The following CFLAR variants were observed in gnomAD, a reference collection of about 807,000 sequenced individuals.
CFLAR encodes CASP8 and FADD-like apoptosis regulator.
Under a neutral mutation model 51.1 loss-of-function variants are expected in CFLAR, and 14 were observed. That is an observed-to-expected ratio of 0.27 (90% confidence interval 0.18 to 0.43). CFLAR has a LOEUF of 0.43. Among genes scored for constraint, CFLAR ranks in the 20% least tolerant of loss-of-function variants. The pLI is 1.00. For missense variants in CFLAR, 390 were observed against 566.5 expected, an observed-to-expected ratio of 0.69 and a Z score of 3.16; for synonymous variants, 210 against 211.6, an observed-to-expected ratio of 0.99 and a Z score of 0.06.
intron 5 of CFLAR, among the ~76,000 whole-genome samples, chr2:201,143,924 T>C (rs886428281): frequency 2.0e-5 from 3 of 151,830 alleles, no homozygotes; most frequent in African/African-American, 4.8e-5. Context: ...CACCCCACCC[T>C]GGGTGACAGA....
chr2:201,154,416 G>T (rs1037713891), intron 8 of CFLAR: 1 of 153,640 alleles, frequency 6.5e-6, no homozygotes, highest in Non-Finnish European at 1.5e-5. Context: ...AGGTGAGGAA[G>T]CTGAGCAGTG....
At chr2:201,136,167 C>A in intron 4 of CFLAR, 60 bp downstream of exon 4, 3 of 1,612,524 alleles carry the variant, frequency 1.9e-6, no homozygotes, top group Non-Finnish European at 2.5e-6. Context: ...GGGTGGGCAT[C>A]ATGACTGATA....
intron 9 of CFLAR, among the ~76,000 whole-genome samples, chr2:201,161,547 G>A (rs1323493546): frequency 6.6e-6 from 1 of 151,230 alleles, no homozygotes; most frequent in Non-Finnish European, 1.5e-5. Flanking sequence ...CCAAGTAGCT[G>A]GGATTACAGG....
intron 1 of CFLAR, chr2:201,117,179 A>G (rs1205080052): frequency 3.9e-5 from 6 of 152,124 alleles, no homozygotes; most frequent in Admixed American, 1.3e-4. Context: ...TTTAATGTCT[A>G]TTTTGCCCAA....
At chr2:201,136,152 C>T in intron 4 of CFLAR, 45 bp downstream of exon 4, 1 of 1,612,596 alleles carries the variant, frequency 6.2e-7, no homozygotes, top group Non-Finnish European at 8.5e-7. Context: ...GTACTCTGTG[C>T]ATGGGGGTGG....
At chr2:201,128,889 T>C (rs1176990583) in intron 1 of CFLAR, among the ~76,000 whole-genome samples, 1 of 152,158 alleles carries the variant, frequency 6.6e-6, no homozygotes, top group East Asian at 1.9e-4. Flanking sequence ...AACACACCCA[T>C]TGCATGAGCT....
chr2:201,138,932 A>T lies in CFLAR; in HGVS notation c.524-1425A>T, dbSNP rs562919732. ...GTCCACCTCATCAGCTATGAAGTCTATGAATCCTGGGAGAATCAAGAAGTC... is the reference window on the plus strand; with the variant it reads ...GTCCACCTCATCAGCTATGAAGTCTTTGAATCCTGGGAGAATCAAGAAGTC... On this transcript the variant is annotated intron_variant, in intron 4 of 9. Coordinates refer to ENST00000309955, the MANE Select transcript of CFLAR (RefSeq NM_003879.7). This position sits in a 1 kb window ranked among gnomAD's most constrained non-coding sequence, Gnocchi z 4.0. 7.9e-6 allele frequency: 5 copies of T among 632,484 alleles called. No homozygotes were observed. In the African/African-American group the frequency reaches 9.0e-5, roughly 11 times the overall value. 39.2% of individuals were successfully genotyped at this position (632,484 alleles called of 1,614,324 possible).
chr2:201,163,304 G>T lies in CFLAR; in HGVS notation c.1305-531G>T, dbSNP rs1346026204. ...GAGCTGGTTTCCATTTAAGCTGAAT[G>T]AAGCCACAATGTACCTCAAGTATAA... On this transcript the variant is annotated intron_variant, in intron 9 of 9. Transcript: ENST00000309955. 7.9e-6 allele frequency: 10 copies of T among 1,260,294 alleles called. No individual in the cohort carries two copies. The Admixed American group carries it at 1.2e-4, about 15-fold the overall frequency. 78.1% of individuals were successfully genotyped at this position (1,260,294 alleles called of 1,614,324 possible).
chr2:201,158,160 C>T lies in CFLAR; in HGVS notation c.794-2272C>T, dbSNP rs529752977. Reference sequence around the variant, plus strand: ...TTCCAAGACCATGCAAGATTCAGACCCTAGTAGGAGGAGATGGAGGAACTA... The same window carrying T: ...TTCCAAGACCATGCAAGATTCAGACTCTAGTAGGAGGAGATGGAGGAACTA... On this transcript the variant is annotated intron_variant, in intron 8 of 9. Coordinates refer to ENST00000309955, the MANE Select transcript of CFLAR (RefSeq NM_003879.7). Among the ~76,000 whole-genome samples the T allele has an allele frequency of 1.6e-4, 24 of 152,302 alleles. No individual in the cohort carries two copies. In the South Asian group the frequency reaches 4.8e-3, roughly 30 times the overall value.
chr2:201,163,686 G>A (rs1943278212), intron 9 of CFLAR, 149 bp from the exon 10 acceptor site: 8 of 1,443,352 alleles, frequency 5.5e-6, no homozygotes, highest in Non-Finnish European at 4.5e-6. Flanking sequence ...TTGCAAGTTA[G>A]TTTGGATCAT....
chr2:201,125,791 G>C (rs2048626431), intron 1 of CFLAR, among the ~76,000 whole-genome samples: 1 of 152,132 alleles, frequency 6.6e-6, no homozygotes, highest in African/African-American at 2.4e-5. Context: ...GGGTGTGGTG[G>C]TGAGTAGTTT....
At chr2:201,120,792 G>GT (rs921110515) in intron 1 of CFLAR, among the ~76,000 whole-genome samples, 3 of 151,922 alleles carry the variant, frequency 2.0e-5, no homozygotes, top group Non-Finnish European at 4.4e-5. Context: ...ATATATCTGT[G>GT]TTTTTTGTTT....
Position 201,160,874 on chromosome 2 carries a change from G to C in CFLAR, c.1236G>C (p.Leu412=). 2.5e-6 allele frequency: 4 copies of C among 1,612,740 alleles called. No individual in the cohort carries two copies. Among genetic ancestry groups the C allele is most frequent in the Non-Finnish European group, 3.4e-6 (4 of 1,178,994 alleles). Reference sequence around the variant, plus strand: ...GCCTGTGTACTGCGGACATGTCCCTGCTGGAGCAGTCTCACAGCTCACCAT... The same window carrying C: ...GCCTGTGTACTGCGGACATGTCCCTCCTGGAGCAGTCTCACAGCTCACCAT... ...FWSLCTADMS[L]LEQSHSSPSL... The change falls in exon 9 of 10, where the codon CTG becomes CTC. Residue 412 remains leucine, a synonymous_variant. Coordinates refer to ENST00000309955, the MANE Select transcript of CFLAR (RefSeq NM_003879.7).
chr2:201,153,825 A>G (rs1941683150), intron 8 of CFLAR, among the ~76,000 whole-genome samples: 1 of 151,836 alleles, frequency 6.6e-6, no homozygotes, highest in African/African-American at 2.4e-5. Flanking sequence ...ACCATAATAT[A>G]GGTACTATTC....
chr2:201,145,302 A>G, intron 5 of CFLAR, 76 bp from the exon 6 acceptor site: 1 of 807,464 alleles, frequency 1.2e-6, no homozygotes, highest in Non-Finnish European at 2.1e-6. Context: ...CTATTGAGAC[A>G]TTTAAAGAGG....
rs930716294 is a variant in CFLAR, at chr2:201,145,312, G to A, written c.607-66G>A. Reference sequence around the variant, plus strand: ...GAATCCTATTGAGACATTTAAAGAGGTGTAATGTATAGTGTACCTCTGAAA... The same window carrying A: ...GAATCCTATTGAGACATTTAAAGAGATGTAATGTATAGTGTACCTCTGAAA... On this transcript the variant is annotated intron_variant, in intron 5 of 9. Coordinates refer to ENST00000309955, the MANE Select transcript of CFLAR (RefSeq NM_003879.7). 1.3e-5 allele frequency: 11 copies of A among 868,602 alleles called. No individual in the cohort carries two copies. In the South Asian group the frequency reaches 1.6e-4, roughly 13 times the overall value. The allele number at this position is 868,602 out of a possible 1,614,324, so 53.8% of individuals were successfully genotyped here.
At chr2:201,125,044 G>GCA (rs2048547892) in intron 1 of CFLAR, among the ~76,000 whole-genome samples, 1 of 152,114 alleles carries the variant, frequency 6.6e-6, no homozygotes, top group Admixed American at 6.6e-5. Flanking sequence ...AACATGTGAG[G>GCA]GGGTGCTCAA....
chr2:201,136,279 C>T (rs749438212), intron 4 of CFLAR, 172 bp downstream of exon 4: 1 of 1,600,178 alleles, frequency 6.2e-7, no homozygotes. Context: ...CTTCATATCC[C>T]AGATCTGCCA....
intron 2 of CFLAR, 41 bp downstream of exon 2, chr2:201,130,187 G>GGGGGGGGGGGGGGGCA: frequency 2.4e-5 from 7 of 292,366 alleles, no homozygotes; most frequent in Middle Eastern, 1.3e-3. Context: ...GGGTGGGAGG[G>GGGGGGGGGGGGGGGCA]AGTGAAGTGT....
Sources: allele counts gnomAD v4.1 joint callset (sites outside exome capture counted in the v4.1 genomes callset), GRCh38; gene constraint gnomAD v4.1.1; non-coding constraint Gnocchi (gnomAD v3.1); transcripts MANE v1.5; gene names NCBI Gene and HGNC (gene_info 2026-07-23, HGNC 2026-07-21).